Variants in KDM1A observed in about 807,000 individuals in gnomAD.
KDM1A encodes the protein lysine-specific histone demethylase 1A.
A neutral mutation model predicts 109.4 loss-of-function variants in KDM1A; 49 were observed. The observed-to-expected ratio is 0.45, with a 90% CI of 0.36 to 0.57. The LOEUF is 0.57. Among genes scored for constraint, KDM1A ranks in the 20% least tolerant of loss-of-function variants. KDM1A has a pLI of 0.00. For synonymous variants in KDM1A, 380 were observed against 415.4 expected (o/e 0.91, Z 1.04); for missense variants, 668 against 1,116.6 (o/e 0.60, Z 5.73).
chr1:23,070,018 C>T (rs1296513326), intron 12 of KDM1A, among the ~76,000 whole-genome samples: 1 of 152,248 alleles, frequency 6.6e-6, no homozygotes, highest in East Asian at 1.9e-4. Flanking sequence ...CTCCAGCTCA[C>T]AGTCTTCATG....
chr1:23,033,847 A>G (rs1569653447), intron 2 of KDM1A, among the ~76,000 whole-genome samples: 1 of 152,322 alleles, frequency 6.6e-6, no homozygotes, highest in African/African-American at 2.4e-5. Context: ...TTTTTGAGCA[A>G]GGGGGGTTAC....
chr1:23,052,982 AGC>A (rs1312373540), intron 4 of KDM1A, among the ~76,000 whole-genome samples: 1 of 152,072 alleles, frequency 6.6e-6, no homozygotes, highest in Non-Finnish European at 1.5e-5. Flanking sequence ...GTTATCTTGG[AGC>A]TAAACTCATT....
Position 23,036,283 on chromosome 1 carries a change from T to C in KDM1A, c.517+5649T>C, listed in dbSNP as rs1642140879. On this transcript the variant is annotated intron_variant, in intron 2 of 20. Coordinates refer to ENST00000400181, the MANE Select transcript of KDM1A (RefSeq NM_001009999.3). ...CCAGCAGGAGACCCTGTTTTGTAGG[T>C]TTACCAGAAGTGACTAGGGAGTTCA... 2.0e-5 allele frequency among the ~76,000 whole-genome samples: 3 copies of C among 152,042 alleles called. No individual in the cohort carries two copies. In the South Asian group the frequency reaches 6.2e-4, roughly 32 times the overall value.
At chr1:23,049,997 G>T (rs553882711) in intron 3 of KDM1A, among the ~76,000 whole-genome samples, 1 of 152,170 alleles carries the variant, frequency 6.6e-6, no homozygotes, top group South Asian at 2.1e-4. Context: ...AAGAAGGCAT[G>T]TGATTGTGTT....
chr1:23,060,460 A>G (rs1056166045), intron 9 of KDM1A, among the ~76,000 whole-genome samples: 1 of 152,186 alleles, frequency 6.6e-6, no homozygotes, highest in African/African-American at 2.4e-5. Flanking sequence ...ATCCATAAAT[A>G]TATTAATACC....
intron 15 of KDM1A, among the ~76,000 whole-genome samples, chr1:23,076,922 G>A (rs908088546): frequency 3.3e-5 from 5 of 149,496 alleles, no homozygotes; most frequent in African/African-American, 9.9e-5. Context: ...CCGAGAGCAC[G>A]CCACTGCACT....
chr1:23,022,478 G>A (rs1417120909), intron 1 of KDM1A, among the ~76,000 whole-genome samples: 1 of 151,572 alleles, frequency 6.6e-6, no homozygotes, highest in Admixed American at 6.6e-5. Context: ...TGGGATTATA[G>A]GCATGCACCA....
In KDM1A at chr1:23,053,853, T is replaced by G; in HGVS notation, c.790+14T>G. On this transcript the variant is annotated intron_variant, in intron 5 of 20. Transcript: ENST00000400181. ...CACCTTATAACAGTAAGTAGTGTGT[T>G]CAATAGGACTAATTTGTACTGGATT... 7.3e-7 allele frequency: 1 copy of G among 1,373,122 alleles called. No homozygotes were observed. Among genetic ancestry groups the G allele is most frequent in the Non-Finnish European group, 1.0e-6 (1 of 960,500 alleles). The allele number at this position is 1,373,122 out of a possible 1,614,324, so 85.1% of individuals were successfully genotyped here.
At chr1:23,070,613 T>G (rs769249312) in intron 12 of KDM1A, among the ~76,000 whole-genome samples, 3 of 151,870 alleles carry the variant, frequency 2.0e-5, no homozygotes, top group Non-Finnish European at 2.9e-5. Flanking sequence ...TCGAGACCAT[T>G]CTGGCTAACA....
intron 11 of KDM1A, 127 bp from the exon 12 acceptor site, chr1:23,068,934 C>CA: frequency 1.5e-6 from 1 of 659,400 alleles, no homozygotes; most frequent in East Asian, 2.9e-5. Flanking sequence ...TCCAACTAGC[C>CA]AACTTTCTTG....
intron 2 of KDM1A, among the ~76,000 whole-genome samples, chr1:23,035,173 G>A (rs1229122995): frequency 2.0e-5 from 3 of 152,124 alleles, no homozygotes; most frequent in African/African-American, 2.4e-5. Context: ...GTTTGTAGGT[G>A]TGTGTTTTAA....
intron 10 of KDM1A, among the ~76,000 whole-genome samples, chr1:23,068,106 AT>A (rs1454982161): frequency 6.6e-6 from 1 of 152,066 alleles, no homozygotes; most frequent in Non-Finnish European, 1.5e-5. Context: ...TGGGCTTCTT[AT>A]TTTCCCATCC....
At chr1:23,063,436 G>A (rs770197247) in intron 9 of KDM1A, among the ~76,000 whole-genome samples, 1 of 152,024 alleles carries the variant, frequency 6.6e-6, no homozygotes, top group Non-Finnish European at 1.5e-5. Flanking sequence ...TAACTTTGCC[G>A]GTTTTCATTT....
chr1:23,024,747 G>A (rs962421956), intron 1 of KDM1A, among the ~76,000 whole-genome samples: 1 of 152,222 alleles, frequency 6.6e-6, no homozygotes. Context: ...TCTGGAAAAG[G>A]GTGGACTTTT....
rs770453026 is a variant in KDM1A at position 23,081,589 on chromosome 1, G to A, written c.2298+16G>A. The A allele has an allele frequency of 6.2e-7, 1 of 1,613,882 alleles. No homozygotes were observed. On this transcript the variant is annotated intron_variant, in intron 19 of 20. Transcript: ENST00000400181. ...AGTACCTCAGGTAAGTAGGTAGGTG[G>A]GGCAAGGAGGGATCTAGGGTTCAGA...
chr1:23,076,273 G>C (rs1643462361), intron 15 of KDM1A, among the ~76,000 whole-genome samples: 3 of 151,970 alleles, frequency 2.0e-5, no homozygotes, highest in Non-Finnish European at 4.4e-5. Flanking sequence ...ATGTTACATA[G>C]AAAAATTTTC....
intron 2 of KDM1A, among the ~76,000 whole-genome samples, chr1:23,037,122 AT>A (rs1642169817): frequency 1.6e-5 from 2 of 125,764 alleles, no homozygotes; most frequent in African/African-American, 5.5e-5. Context: ...ACTAAAAAAA[AT>A]ATATATACAC....
At chr1:23,021,232 C>T (rs1485536742) in intron 1 of KDM1A, among the ~76,000 whole-genome samples, 1 of 152,088 alleles carries the variant, frequency 6.6e-6, no homozygotes, top group Non-Finnish European at 1.5e-5. Flanking sequence ...GGAGCTTTTA[C>T]CAAAGCATGG....
chr1:23,052,887 G>T (rs1642713292), intron 4 of KDM1A, among the ~76,000 whole-genome samples: 1 of 152,074 alleles, frequency 6.6e-6, no homozygotes, highest in South Asian at 2.1e-4. Flanking sequence ...TTTGACTTCA[G>T]TTATTACCCA....
Sources: allele counts gnomAD v4.1 joint callset (sites outside exome capture counted in the v4.1 genomes callset), GRCh38; gene constraint gnomAD v4.1.1; transcripts MANE v1.5; gene names NCBI Gene and HGNC (gene_info 2026-07-23, HGNC 2026-07-21).